Variants in TRIM44 observed in about 807,000 individuals in gnomAD.
TRIM44 encodes the protein tripartite motif containing 44.
A neutral mutation model predicts 37.4 loss-of-function variants in TRIM44; 13 were observed. That is an observed-to-expected ratio of 0.35 (90% confidence interval 0.23 to 0.55). The LOEUF is 0.55. TRIM44 is among the 20% of genes least tolerant of loss of function. The pLI is 0.89. For synonymous variants in TRIM44, 175 were observed against 157.2 expected (o/e 1.11, Z -0.85); for missense variants, 426 against 437.2 (o/e 0.97, Z 0.23).
intron 3 of TRIM44, among the ~76,000 whole-genome samples, chr11:35,731,570 C>T (rs569393503): frequency 6.6e-6 from 1 of 152,136 alleles, no homozygotes; most frequent in South Asian, 2.1e-4. Flanking sequence ...ATTATGTTGG[C>T]TTCATAAAAC....
chr11:35,796,381 A>G lies in TRIM44; in HGVS notation c.1008-9977A>G, dbSNP rs115134433. On this transcript the variant is annotated intron_variant, in intron 4 of 4. Transcript: ENST00000299413. ...ATCCTTTCTCTTTTTCTCTTTGGTA[A>G]CTTGTGAGATACAGCAGCTGAGGCA... Among the ~76,000 whole-genome samples, 345 of 152,350 alleles carry G rather than the reference A, an allele frequency of 2.3e-3. 1 individual carries two copies. The highest frequency in any genetic ancestry group is 8.0e-3 in the African/African-American group (333 of 41,586).
chr11:35,768,915 A>C lies in TRIM44; in HGVS notation c.1007+33470A>C, dbSNP rs548583563. Among the ~76,000 whole-genome samples, 296 of 152,338 alleles carry C rather than the reference A, an allele frequency of 1.9e-3. 2 individuals carry two copies. Among genetic ancestry groups the C allele is most frequent in the South Asian group, 4.6e-3 (22 of 4,826 alleles). On this transcript the variant is annotated intron_variant, in intron 4 of 4. Coordinates refer to ENST00000299413, the MANE Select transcript of TRIM44 (RefSeq NM_017583.6). Reference sequence around the variant, plus strand: ...GCCTAAAGATGCATTTTGTTTGGCTAATAAAATGGTGGTGTTTTTTAATTT... The same window carrying C: ...GCCTAAAGATGCATTTTGTTTGGCTCATAAAATGGTGGTGTTTTTTAATTT...
chr11:35,744,861 G>T (rs902765307), intron 4 of TRIM44, among the ~76,000 whole-genome samples: 1 of 152,086 alleles, frequency 6.6e-6, no homozygotes, highest in East Asian at 1.9e-4. Flanking sequence ...GAGGATAATG[G>T]CTTCCAACTC....
chr11:35,789,945 G>A (rs549608422), intron 4 of TRIM44, among the ~76,000 whole-genome samples: 2 of 152,182 alleles, frequency 1.3e-5, no homozygotes, highest in South Asian at 2.1e-4. Context: ...GCCATAAACA[G>A]GTTCTTCTTC....
At chr11:35,781,237 G>A (rs559309932) in intron 4 of TRIM44, among the ~76,000 whole-genome samples, 1 of 152,040 alleles carries the variant, frequency 6.6e-6, no homozygotes, top group Non-Finnish European at 1.5e-5. Flanking sequence ...ACCACTTCAC[G>A]TTTTAGCCTT....
At chr11:35,692,226 C>G (rs1590510418) in intron 2 of TRIM44, among the ~76,000 whole-genome samples, 1 of 152,074 alleles carries the variant, frequency 6.6e-6, no homozygotes, top group Non-Finnish European at 1.5e-5. Context: ...GAGCCTCACT[C>G]AAAGCATCTG....
In TRIM44 at chr11:35,815,850, T is replaced by C. The variant is rs1159946479; in HGVS notation, c.*9465T>C. On this transcript the variant is annotated 3_prime_UTR_variant, in exon 5 of 5. Transcript: ENST00000299413. ...TGAGAAAATCCATCTGGAGTGTTTA[T>C]GCCCCTCTGAATAGCCAAGTCATGG... 1 of 152,230 alleles carries C rather than the reference T, an allele frequency of 6.6e-6. No individual in the cohort carries two copies. Among genetic ancestry groups the C allele is most frequent in the Non-Finnish European group, 1.5e-5 (1 of 68,036 alleles). The allele number at this position is 152,230 out of a possible 1,614,324, so 9.4% of individuals were successfully genotyped here.
intron 3 of TRIM44, among the ~76,000 whole-genome samples, chr11:35,729,122 G>A (rs1258746189): frequency 4.6e-5 from 7 of 151,836 alleles, no homozygotes; most frequent in Non-Finnish European, 8.8e-5. Flanking sequence ...TACTTCCTAT[G>A]TATGCTAGCC....
At chr11:35,687,493 C>T (rs914214158) in intron 2 of TRIM44, among the ~76,000 whole-genome samples, 8 of 152,136 alleles carry the variant, frequency 5.3e-5, no homozygotes, top group Non-Finnish European at 1.0e-4. Flanking sequence ...CTTTTCTTAC[C>T]AAGTTTCTCT....
At chr11:35,664,779 T>C (rs1469536001) in intron 1 of TRIM44, among the ~76,000 whole-genome samples, 1 of 152,210 alleles carries the variant, frequency 6.6e-6, no homozygotes, top group African/African-American at 2.4e-5. Flanking sequence ...TGAGGTAGTC[T>C]CCATCCAGAT....
chr11:35,815,434 G>C lies in TRIM44; in HGVS notation c.*9049G>C, dbSNP rs115192905. 1 of 152,164 alleles carries C rather than the reference G, an allele frequency of 6.6e-6. No individual in the cohort carries two copies. Among genetic ancestry groups the C allele is most frequent in the Admixed American group, 6.6e-5 (1 of 15,264 alleles). 9.4% of individuals were successfully genotyped at this position (152,164 alleles called of 1,614,324 possible). On this transcript the variant is annotated 3_prime_UTR_variant, in exon 5 of 5. Transcript: ENST00000299413. The stretch of plus-strand genomic sequence containing the variant: ...TGGTGATAGTAGGGCAATAGGGAGT[G>C]TCAGTAGGGTAGTTTCAGGTGGGGA...
At chr11:35,723,023 C>T (rs1201858704) in intron 2 of TRIM44, among the ~76,000 whole-genome samples, 1 of 151,960 alleles carries the variant, frequency 6.6e-6, no homozygotes, top group Non-Finnish European at 1.5e-5. Context: ...CTACCTCCCT[C>T]CTTCTGTCTC....
chr11:35,806,179 TAAAG>T (rs1016278944), intron 4 of TRIM44, among the ~76,000 whole-genome samples, 175 bp from the exon 5 acceptor site: 9 of 152,166 alleles, frequency 5.9e-5, no homozygotes, highest in East Asian at 1.9e-4. Flanking sequence ...TATGGCCAGA[TAAAG>T]AAATCAGAAT....
chr11:35,816,962 C>G lies in TRIM44; in HGVS notation c.*10577C>G, dbSNP rs1853589368. ...TTTCATAGCCCTCTGTACCACATCC[C>G]CATGTACTTTTTCATATCAACGGTA... On this transcript the variant is annotated 3_prime_UTR_variant, in exon 5 of 5. Transcript: ENST00000299413. 6.6e-6 allele frequency: 1 copy of G among 152,152 alleles called. No homozygotes were observed. Among genetic ancestry groups the G allele is most frequent in the Non-Finnish European group, 1.5e-5 (1 of 68,020 alleles). The allele number at this position is 152,152 out of a possible 1,614,324, so 9.4% of individuals were successfully genotyped here.
At chr11:35,742,798 A>G (rs899556458) in intron 4 of TRIM44, among the ~76,000 whole-genome samples, 4 of 139,674 alleles carry the variant, frequency 2.9e-5, no homozygotes, top group Non-Finnish European at 4.6e-5. Context: ...AATTATATTA[A>G]TATATTAAAT....
chr11:35,716,474 C>T (rs1199181342), intron 2 of TRIM44, among the ~76,000 whole-genome samples: 1 of 152,008 alleles, frequency 6.6e-6, no homozygotes, highest in Non-Finnish European at 1.5e-5. Flanking sequence ...GAAGGGAATA[C>T]AAATAAAAGA....
At chr11:35,716,424 G>A (rs577455576) in intron 2 of TRIM44, among the ~76,000 whole-genome samples, 1 of 152,248 alleles carries the variant, frequency 6.6e-6, no homozygotes, top group African/African-American at 2.4e-5. Flanking sequence ...CTAAAGTGGA[G>A]CCTCGAAGAT....
At chr11:35,715,587 G>A (rs1176710843) in intron 2 of TRIM44, among the ~76,000 whole-genome samples, 2 of 152,008 alleles carry the variant, frequency 1.3e-5, no homozygotes, top group Non-Finnish European at 2.9e-5. Context: ...AAAATTTATA[G>A]TCTTATGAAG....
At chr11:35,733,384 CA>C (rs1191641344) in intron 3 of TRIM44, among the ~76,000 whole-genome samples, 2 of 151,926 alleles carry the variant, frequency 1.3e-5, no homozygotes, top group Non-Finnish European at 2.9e-5. Flanking sequence ...CTTAAACATC[CA>C]AAAATAATTG....
Sources: allele counts gnomAD v4.1 joint callset (sites outside exome capture counted in the v4.1 genomes callset), GRCh38; gene constraint gnomAD v4.1.1; transcripts MANE v1.5; gene names NCBI Gene and HGNC (gene_info 2026-07-23, HGNC 2026-07-21).